Variants in ZNF84 observed in about 807,000 individuals in gnomAD.
ZNF84 encodes zinc finger protein HPF2.
In ZNF84, 12 loss-of-function variants were observed where a neutral mutation model predicts 14.8. The observed-to-expected ratio is 0.81, with a 90% confidence interval of 0.52 to 1.31. The LOEUF (loss-of-function observed/expected upper bound fraction) is 1.31. Ranked by LOEUF, ZNF84 falls within the 50% of genes most tolerant of loss-of-function variation. The probability of loss-of-function intolerance (pLI) is 0.00; values close to 1 mark genes in which losing one functional copy is unlikely to be tolerated. For missense variants in ZNF84, 859 were observed against 878.6 expected, an observed-to-expected ratio of 0.98 and a Z score of 0.28; for synonymous variants, 347 against 291.1, an observed-to-expected ratio of 1.19 and a Z score of -1.96.
rs370116710 is a variant in ZNF84 at position 133,057,934 on chromosome 12, G to C, written c.1219G>C (p.Glu407Gln). Reference sequence around the variant, plus strand: ...TGGAGAGAAACCCTATGAATGCAGCGAGTGTAGGAAAGCATTTAGAGAGAG... The same window carrying C: ...TGGAGAGAAACCCTATGAATGCAGCCAGTGTAGGAAAGCATTTAGAGAGAG... ...HTGEKPYECS[E>Q]CRKAFRERSS... Residue 407 changes from glutamate to glutamine, a missense_variant, in exon 5 of 5, where the codon GAG (glutamate) becomes CAG (glutamine). Coordinates refer to ENST00000539354, the MANE Select transcript of ZNF84 (RefSeq NM_001289971.2). 36 of 1,613,658 alleles carry C rather than the reference G, an allele frequency of 2.2e-5. No homozygotes were observed. Among genetic ancestry groups the C allele is most frequent in the Non-Finnish European group, 2.8e-5 (33 of 1,179,954 alleles).
rs1265913274 is a variant in ZNF84, at chr12:133,059,132, T to A, written c.*200T>A. The A allele has an allele frequency of 1.8e-6, 1 of 545,320 alleles. No individual in the cohort carries two copies. Among genetic ancestry groups the A allele is most frequent in the Non-Finnish European group, 3.1e-6 (1 of 317,810 alleles). 33.8% of individuals were successfully genotyped at this position (545,320 alleles called of 1,614,324 possible). A position where few individuals can be genotyped will look rare whatever the true frequency, so the allele number is the denominator to read the frequency against. ...TGACTGCAGTGGATCTCAAAAACTT[T>A]TAAAACCATAGACAAGCCTTATAGA... is the stretch of plus-strand genomic sequence containing the variant. On this transcript the variant is annotated 3_prime_UTR_variant, in exon 5 of 5. Coordinates refer to ENST00000539354, the MANE Select transcript of ZNF84 (RefSeq NM_001289971.2).
intron 2 of ZNF84, among the ~76,000 whole-genome samples, chr12:133,045,477 A>G (rs1953965339): frequency 6.7e-6 from 1 of 150,316 alleles, no homozygotes. Flanking sequence ...TCTCAAAAAC[A>G]AACAAATAGA....
intron 1 of ZNF84, among the ~76,000 whole-genome samples, chr12:133,039,935 C>T (rs375994213): frequency 6.6e-6 from 1 of 151,832 alleles, no homozygotes; most frequent in Admixed American, 6.5e-5. Context: ...CATCCACCTC[C>T]CAGGTTCAAG....
At chr12:133,054,961 A>G (rs1361923484) in intron 4 of ZNF84, among the ~76,000 whole-genome samples, 41 of 152,280 alleles carry the variant, frequency 2.7e-4, no homozygotes, top group Admixed American at 2.6e-3. Context: ...TTTCTGCCTT[A>G]TCTAAATATT....
chr12:133,042,263 G>C (rs1418544996), intron 2 of ZNF84, among the ~76,000 whole-genome samples: 3 of 152,326 alleles, frequency 2.0e-5, no homozygotes, highest in South Asian at 2.1e-4. Context: ...GAAGCTTTAA[G>C]TGAACAGGTG....
chr12:133,039,387 T>G (rs1245430903), intron 1 of ZNF84, among the ~76,000 whole-genome samples: 2 of 152,244 alleles, frequency 1.3e-5, no homozygotes, highest in East Asian at 1.9e-4. Flanking sequence ...TTGTGTGTGT[T>G]TGTGCATGTA....
Position 133,057,772 on chromosome 12 carries a change from G to A in ZNF84, c.1057G>A (p.Gly353Arg). The change falls in exon 5 of 5, where the codon GGG becomes AGG. Residue 353 changes from glycine (G) to arginine (R), a missense_variant. Physicochemically the swap from Gly to Arg is moderately radical, Grantham distance 125. Transcript: ENST00000539354. The stretch of plus-strand genomic sequence containing the variant: ...GAAGCCTTTTGAATGCAGGGAATGT[G>A]GGAAAGCCTTCAGCAGGAAGTCACA... ...GEKPFECREC[G>R]KAFSRKSQLV... The A allele has an allele frequency of 3.1e-6, 5 of 1,614,170 alleles. No individual in the cohort carries two copies. The highest frequency in any genetic ancestry group is 3.4e-6 in the Non-Finnish European group (4 of 1,180,028).
Position 133,059,016 on chromosome 12 carries a change from A to C in ZNF84, c.*84A>C, listed in dbSNP as rs1024807874. The C allele has an allele frequency of 3.5e-5, 47 of 1,345,150 alleles. No individual in the cohort carries two copies. Among genetic ancestry groups the C allele is most frequent in the Non-Finnish European group, 4.6e-5 (46 of 989,598 alleles). The allele number at this position is 1,345,150 out of a possible 1,614,324, so 83.3% of individuals were successfully genotyped here. ...GATAACGTTTGTAGACAGTCACGTCATGTTAGGTGTTTGTACTCCATGAGG... is the reference window on the plus strand; with the variant it reads ...GATAACGTTTGTAGACAGTCACGTCCTGTTAGGTGTTTGTACTCCATGAGG... On this transcript the variant is annotated 3_prime_UTR_variant, in exon 5 of 5. Transcript: ENST00000539354.
At chr12:133,043,768 T>G (rs1235795520) in intron 2 of ZNF84, among the ~76,000 whole-genome samples, 1 of 152,030 alleles carries the variant, frequency 6.6e-6, no homozygotes, top group Non-Finnish European at 1.5e-5. Flanking sequence ...TTTTTATTTT[T>G]TTTGAGGCAG....
rs61416327 is a variant in ZNF84 at position 133,043,926 on chromosome 12, ATT to A, written c.15+2458_15+2459del. On this transcript the variant is annotated intron_variant, in intron 2 of 4. Coordinates refer to ENST00000539354, the MANE Select transcript of ZNF84 (RefSeq NM_001289971.2). ...GCCACCACACCCAGCTAATTCTTGT[ATT>A]TTTTTTTTTTTTTCCAGTAGAGATG... 4.0e-3 allele frequency among the ~76,000 whole-genome samples: 491 copies of A among 124,136 alleles called. 3 individuals carry two copies. Among genetic ancestry groups the A allele is most frequent in the African/African-American group, 0.013 (460 of 35,748 alleles). 81.4% of individuals were successfully genotyped at this position (124,136 alleles called of 152,430 possible). A position where few individuals can be genotyped will look rare whatever the true frequency, so the allele number is the denominator to read the frequency against.
At chr12:133,056,905 T>G (rs1954169894) in intron 4 of ZNF84, 49 bp from the exon 5 acceptor site, 1 of 1,487,282 alleles carries the variant, frequency 6.7e-7, no homozygotes, top group African/African-American at 1.4e-5. Context: ...TTGTTTTGTT[T>G]TGTTTTTAGA....
In ZNF84 at chr12:133,061,364, TACTC is replaced by T. The variant is rs1954261173; in HGVS notation, c.*2434_*2437del. On this transcript the variant is annotated 3_prime_UTR_variant, in exon 5 of 5. Transcript: ENST00000539354. ...GGTTGTGCGTGCCTGTAATCCCAGT[TACTC>T]AGGAGGCTGAGGCAGGAGAATCACT... 3 of 152,254 alleles carry T rather than the reference TACTC, an allele frequency of 2.0e-5. No individual in the cohort carries two copies. The highest frequency in any genetic ancestry group is 4.8e-5 in the African/African-American group (2 of 41,508). 9.4% of individuals were successfully genotyped at this position (152,254 alleles called of 1,614,324 possible). A position where few individuals can be genotyped will look rare whatever the true frequency, so the allele number is the denominator to read the frequency against.
In ZNF84 at chr12:133,057,822, C is replaced by G. The variant is rs1954187975; in HGVS notation, c.1107C>G (p.His369Gln). The change falls in exon 5 of 5, where the codon CAC becomes CAG. Residue 369 changes from histidine (H) to glutamine (Q), a missense_variant. Physicochemically the swap from His to Gln is conservative, Grantham distance 24. Coordinates refer to ENST00000539354, the MANE Select transcript of ZNF84 (RefSeq NM_001289971.2). ...KSQLVTHHRT[H>Q]TGTKPFGCSD... ...AACTCGTTACACATCACAGAACTCA[C>G]ACAGGAACAAAACCCTTTGGATGTA... 6.2e-7 allele frequency: 1 copy of G among 1,612,636 alleles called. No individual in the cohort carries two copies. The highest frequency in any genetic ancestry group is 1.3e-5 in the African/African-American group (1 of 74,502).
At chr12:133,039,393 A>G (rs942562446) in intron 1 of ZNF84, among the ~76,000 whole-genome samples, 2 of 152,224 alleles carry the variant, frequency 1.3e-5, no homozygotes, top group Admixed American at 6.5e-5. Flanking sequence ...GTGTTTGTGC[A>G]TGTAGATATG....
chr12:133,046,361 T>TAAA (rs1953978723), intron 2 of ZNF84, among the ~76,000 whole-genome samples: 1 of 26,786 alleles, frequency 3.7e-5, no homozygotes, highest in African/African-American at 1.1e-4. Flanking sequence ...TTTTTTTTTT[T>TAAA]TTTTTTTTTT....
intron 1 of ZNF84, 61 bp from the exon 2 acceptor site, chr12:133,041,215 CAA>C (rs1953881231): frequency 4.2e-6 from 2 of 479,266 alleles, no homozygotes; most frequent in Admixed American, 3.8e-5. Context: ...AAGTTCCTAG[CAA>C]GAGAGAAAGA....
chr12:133,044,621 A>G (rs896371108), intron 2 of ZNF84, among the ~76,000 whole-genome samples: 46 of 152,090 alleles, frequency 3.0e-4, no homozygotes, highest in Non-Finnish European at 6.6e-4. Flanking sequence ...TTTTTCAAAG[A>G]ATATAGCTAT....
Position 133,061,022 on chromosome 12 carries a change from T to C in ZNF84, c.*2090T>C, listed in dbSNP as rs1220203948. 6.6e-6 allele frequency: 1 copy of C among 152,240 alleles called. No homozygotes were observed. The highest frequency in any genetic ancestry group is 6.5e-5 in the Admixed American group (1 of 15,290). 9.4% of individuals were successfully genotyped at this position (152,240 alleles called of 1,614,324 possible). A position where few individuals can be genotyped will look rare whatever the true frequency, so the allele number is the denominator to read the frequency against. On this transcript the variant is annotated 3_prime_UTR_variant, in exon 5 of 5. Coordinates refer to ENST00000539354, the MANE Select transcript of ZNF84 (RefSeq NM_001289971.2). ...TAAACAATATTTTCTCCTTTAATTA[T>C]TGATTTTGCAACATTTTGGGAAAGT...
At chr12:133,049,489 T>A (rs2137376768) in intron 4 of ZNF84, among the ~76,000 whole-genome samples, 1 of 151,906 alleles carries the variant, frequency 6.6e-6, no homozygotes, top group South Asian at 2.1e-4. Flanking sequence ...GTTTTTTTTG[T>A]TTTTTTTGTT....
Sources: gnomAD v4.1 joint callset for allele counts (sites outside exome capture counted in the v4.1 genomes callset) on GRCh38, gnomAD v4.1.1 for gene constraint, MANE v1.5 for transcripts, NCBI Gene and HGNC (gene_info 2026-07-23, HGNC 2026-07-21) for gene names.